Variants in LRRC37A observed in about 807,000 individuals in gnomAD.
LRRC37A encodes leucine-rich repeat-containing protein 37A.
In LRRC37A, 3 loss-of-function variants were observed where a neutral mutation model predicts 35.4. The observed-to-expected ratio is 0.08, with a 90% CI of 0.04 to 0.22. The LOEUF (loss-of-function observed/expected upper bound fraction) is 0.22, where lower values mean the gene tolerates loss of function less well. Among genes scored for constraint, LRRC37A ranks in the 10% least tolerant of loss-of-function variants. The probability of loss-of-function intolerance (pLI) is 1.00; values close to 1 mark genes in which losing one functional copy is unlikely to be tolerated. For synonymous variants in LRRC37A, 23 were observed against 215.0 expected (o/e 0.11, Z 7.81); for missense variants, 67 against 565.3 (o/e 0.12, Z 8.94).
At chr17:46,266,524 A>G in the LRRC37A span, among the ~76,000 whole-genome samples, 1 of 152,130 alleles carries the variant, frequency 6.6e-6, no homozygotes, top group Non-Finnish European at 1.5e-5. Flanking sequence ...GCTGCCCCTC[A>G]TTAGCATGAA....
At chr17:46,287,480 C>T in the LRRC37A span, among the ~76,000 whole-genome samples, 4 of 152,302 alleles carry the variant, frequency 2.6e-5, no homozygotes, top group African/African-American at 9.6e-5. Flanking sequence ...TGCAGGTCAG[C>T]CAGGTGTAGA....
the LRRC37A span, among the ~76,000 whole-genome samples, chr17:46,279,810 A>T: frequency 1.3e-5 from 2 of 152,154 alleles, no homozygotes; most frequent in Non-Finnish European, 1.5e-5. Context: ...GCCCTCCTAC[A>T]CAACTTTTTG....
At chr17:46,251,828 G>A in the LRRC37A span, among the ~76,000 whole-genome samples, 1 of 151,572 alleles carries the variant, frequency 6.6e-6, no homozygotes. Context: ...GAATCTTAGG[G>A]TGTAATATGG....
the LRRC37A span, among the ~76,000 whole-genome samples, chr17:46,284,932 C>T: frequency 2.0e-5 from 3 of 152,206 alleles, no homozygotes; most frequent in South Asian, 2.1e-4. Context: ...TGGAGTGGCA[C>T]GATCATAGCT....
At chr17:46,253,540 A>T in the LRRC37A span, among the ~76,000 whole-genome samples, 1 of 152,214 alleles carries the variant, frequency 6.6e-6, no homozygotes, top group East Asian at 1.9e-4. Context: ...CGCGGTTAGG[A>T]GCTGGAGACC....
the LRRC37A span, among the ~76,000 whole-genome samples, chr17:46,265,484 CT>C: frequency 4.8e-4 from 70 of 145,554 alleles, no homozygotes; most frequent in African/African-American, 1.6e-3. Flanking sequence ...CTTCTTCTTT[CT>C]TTTTTTTTCG....
the LRRC37A span, among the ~76,000 whole-genome samples, chr17:46,263,854 C>CA: frequency 0.056 from 5,360 of 95,892 alleles, 417 homozygotes; most frequent in East Asian, 0.38. Context: ...GACTCTGTCT[C>CA]AAAAAAAAAA....
chr17:46,252,902 C>A, the LRRC37A span, among the ~76,000 whole-genome samples: 18 of 148,902 alleles, frequency 1.2e-4, no homozygotes, highest in East Asian at 3.1e-3. Flanking sequence ...ACCTCCCGGA[C>A]GGGGCGGCTG....
the LRRC37A span, chr17:46,267,191 C>T: frequency 1.7e-6 from 1 of 604,850 alleles, no homozygotes; most frequent in Non-Finnish European, 2.8e-6. Flanking sequence ...GCGAGCCTTT[C>T]CGAGTCCCGG....
chr17:46,259,017 C>CAATTTTTT, the LRRC37A span, among the ~76,000 whole-genome samples: 1 of 24,992 alleles, frequency 4.0e-5, no homozygotes, highest in African/African-American at 1.0e-4. Context: ...CGCACCCGGC[C>CAATTTTTT]TATTTTTTTT....
chr17:46,265,271 TTCTTCTTCTTCTTCTTC>T, the LRRC37A span, among the ~76,000 whole-genome samples: 1 of 56,880 alleles, frequency 1.8e-5, no homozygotes, highest in Non-Finnish European at 4.3e-5. Context: ...CTTCTTCTTC[TTCTTCTTCTTCTTCTTC>T]TTCTTCTTCT....
In LRRC37A at chr17:46,317,213, G is replaced by C. The variant is rs546114665; in HGVS notation, c.2907-5109G>C. ...CCCAGTTAGTTTTAAATTTTTTGTA[G>C]AGACAGGGTTTTACTCTATTGCCAG... On this transcript the variant is annotated intron_variant, in intron 5 of 13. Transcript: ENST00000320254. Among the ~76,000 whole-genome samples, 5 of 81,994 alleles carry C rather than the reference G, an allele frequency of 6.1e-5. No homozygotes were observed. The East Asian group carries it at 9.6e-4, about 16-fold the overall frequency. The allele number at this position is 81,994 out of a possible 152,430, so 53.8% of individuals were successfully genotyped here. A position where few individuals can be genotyped will look rare whatever the true frequency, so the allele number is the denominator to read the frequency against.
chr17:46,267,032 C>T, the LRRC37A span: 1 of 211,972 alleles, frequency 4.7e-6, no homozygotes, highest in Admixed American at 6.1e-5. Flanking sequence ...GCCGCCGCGC[C>T]TCAGCTTCAG....
the LRRC37A span, among the ~76,000 whole-genome samples, chr17:46,254,423 T>C: frequency 5.3e-5 from 8 of 151,986 alleles, no homozygotes; most frequent in African/African-American, 9.7e-5. Context: ...ATCTATCTAT[T>C]TATTTATTTA....
At chr17:46,267,455 C>A in the LRRC37A span, 1 of 1,612,776 alleles carries the variant, frequency 6.2e-7, no homozygotes, top group South Asian at 1.1e-5. Context: ...CTTCTTCTTC[C>A]GAGTCCACAT....
chr17:46,292,149 T>A (rs868579695), upstream of LRRC37A, among the ~76,000 whole-genome samples: 2 of 125,400 alleles, frequency 1.6e-5, no homozygotes, highest in African/African-American at 5.7e-5. Context: ...TTGGCTAACA[T>A]GGTGAAACCC....
At chr17:46,271,151 A>G in the LRRC37A span, among the ~76,000 whole-genome samples, 1 of 144,360 alleles carries the variant, frequency 6.9e-6, no homozygotes, top group South Asian at 2.1e-4. Flanking sequence ...TCTGAGACCT[A>G]TGGTAATAGT....
chr17:46,248,113 A>G, the LRRC37A span, among the ~76,000 whole-genome samples: 4 of 151,968 alleles, frequency 2.6e-5, 1 homozygote, highest in African/African-American at 9.7e-5. Flanking sequence ...AGTCCCACTT[A>G]CAACACTTAA....
the LRRC37A span, among the ~76,000 whole-genome samples, chr17:46,270,673 C>T: frequency 2.0e-5 from 3 of 152,230 alleles, no homozygotes; most frequent in Non-Finnish European, 4.4e-5. Flanking sequence ...CTTTGGGAGA[C>T]CAAGGCGGGT....
Sources: gnomAD v4.1 joint callset for allele counts (sites outside exome capture counted in the v4.1 genomes callset) on GRCh38, gnomAD v4.1.1 for gene constraint, MANE v1.5 for transcripts, NCBI Gene and HGNC (gene_info 2026-07-23, HGNC 2026-07-21) for gene names.